NPAS3: variants seen among roughly 807,000 people sequenced by gnomAD.
NPAS3 encodes neuronal PAS domain-containing protein 3.
NPAS3 carries 14 observed loss-of-function variants against 73.1 expected under a neutral mutation model. The observed-to-expected ratio is 0.19, with a 90% CI of 0.13 to 0.30. The LOEUF (loss-of-function observed/expected upper bound fraction) is 0.30. NPAS3 is among the 10% of genes least tolerant of loss of function. The probability of loss-of-function intolerance (pLI) is 1.00; values close to 1 mark genes in which losing one functional copy is unlikely to be tolerated. For synonymous variants in NPAS3, 620 were observed against 541.5 expected (o/e 1.14, Z -2.01); for missense variants, 1,096 against 1,250.0 (o/e 0.88, Z 1.86).
At chr14:33,131,572 A>G (rs1300088959) in intron 2 of NPAS3, among the ~76,000 whole-genome samples, 1 of 152,178 alleles carries the variant, frequency 6.6e-6, no homozygotes, top group Non-Finnish European at 1.5e-5. Context: ...ATACATTTGT[A>G]GAGAGAAACA....
chr14:33,509,031 T>C (rs982264038), intron 4 of NPAS3, among the ~76,000 whole-genome samples: 1 of 150,632 alleles, frequency 6.6e-6, no homozygotes, highest in East Asian at 2.0e-4. Context: ...TTCTACTCAA[T>C]ATAACCTTTA....
At chr14:33,801,039 C>G in exon 12 of NPAS3, 1 of 1,592,972 alleles carries the variant, frequency 6.3e-7, no homozygotes, top group Non-Finnish European at 8.5e-7. Flanking sequence ...GGACTCTTCT[C>G]CACGCTGCCC....
At chr14:33,223,246 G>T (rs1231315154) in intron 3 of NPAS3, among the ~76,000 whole-genome samples, 1 of 152,150 alleles carries the variant, frequency 6.6e-6, no homozygotes, top group Non-Finnish European at 1.5e-5. Flanking sequence ...GGGAGGCAGG[G>T]GTTGCAATGA....
chr14:33,227,104 T>G (rs2047664227), intron 3 of NPAS3, among the ~76,000 whole-genome samples: 1 of 152,224 alleles, frequency 6.6e-6, no homozygotes, highest in South Asian at 2.1e-4. Context: ...GGGATGTTGA[T>G]GCAGGTAAGC....
chr14:33,571,498 C>T (rs377168932), intron 5 of NPAS3, among the ~76,000 whole-genome samples: 6 of 152,226 alleles, frequency 3.9e-5, no homozygotes, highest in African/African-American at 1.4e-4. Flanking sequence ...AAGGGCACAT[C>T]TAGCATATCT....
intron 3 of NPAS3, among the ~76,000 whole-genome samples, chr14:33,233,892 T>G (rs1047284927): frequency 6.6e-6 from 1 of 152,170 alleles, no homozygotes; most frequent in Non-Finnish European, 1.5e-5. Context: ...TATGTTGGTC[T>G]GCCTCCTTTG....
At chr14:33,182,144 A>G (rs565998431) in intron 2 of NPAS3, among the ~76,000 whole-genome samples, 1 of 152,380 alleles carries the variant, frequency 6.6e-6, no homozygotes, top group African/African-American at 2.4e-5. Flanking sequence ...TGAAAAATCA[A>G]TTGAATGAAT....
intron 4 of NPAS3, among the ~76,000 whole-genome samples, chr14:33,549,059 C>G (rs932294506): frequency 4.0e-5 from 6 of 150,374 alleles, no homozygotes; most frequent in Non-Finnish European, 7.4e-5. Flanking sequence ...CCAGGCATCT[C>G]AAAATATATA....
intron 4 of NPAS3, among the ~76,000 whole-genome samples, chr14:33,511,778 G>A (rs540169526): frequency 6.6e-6 from 1 of 152,206 alleles, no homozygotes; most frequent in Admixed American, 6.5e-5. Context: ...TCCTTGTATA[G>A]AAAGAATGAA....
At position 33,634,529 on chromosome 14, in the gene NPAS3, C is replaced by T. The variant is rs60001003; in HGVS notation, c.559-41682C>T. On this transcript the variant is annotated intron_variant, in intron 5 of 11. Coordinates refer to ENST00000356141, the Ensembl canonical transcript of NPAS3. ...CATAGTCCACGTATAAAAAAGAAGG[C>T]GGGCAGGGGGTGCCCAGATGTGGAC... Among the ~76,000 whole-genome samples the T allele has an allele frequency of 0.011, 1,743 of 152,180 alleles. 52 individuals are homozygous for T. The East Asian group carries it at 0.12, about 11-fold the overall frequency.
rs748131405 is a variant in NPAS3 at position 33,534,804 on chromosome 14, C to T, written c.469-25317C>T. Among the ~76,000 whole-genome samples, 38 of 152,074 alleles carry T rather than the reference C, an allele frequency of 2.5e-4. 1 individual carries two copies. Among genetic ancestry groups the T allele is most frequent in the Non-Finnish European group, 5.3e-4 (36 of 68,028 alleles). On this transcript the variant is annotated intron_variant, in intron 4 of 11. Transcript: ENST00000356141. ...ACTTTGGAATTTCCTGGAATGTCAG[C>T]TCTGTAACACACTCTAAGCAGTGAC... is the stretch of plus-strand genomic sequence containing the variant.
chr14:33,749,735 C>T (rs370160871), intron 7 of NPAS3, among the ~76,000 whole-genome samples: 1 of 152,254 alleles, frequency 6.6e-6, no homozygotes, highest in East Asian at 1.9e-4. Flanking sequence ...TTCTCATGCA[C>T]TCCGAGAACC....
At chr14:33,307,582 GTTT>G (rs916049323) in intron 3 of NPAS3, among the ~76,000 whole-genome samples, 1 of 40,690 alleles carries the variant, frequency 2.5e-5, no homozygotes, top group Non-Finnish European at 5.8e-5. Flanking sequence ...ACCTCACCAG[GTTT>G]TTTTTCAATG....
Position 33,486,306 on chromosome 14 carries a change from G to A in NPAS3, c.469-73815G>A, listed in dbSNP as rs75552434. ...GCTGTATAAATTGTTTCTTTCTCCC[G>A]GCGTCCTCATCTGTCTTGATTTTCC... On this transcript the variant is annotated intron_variant, in intron 4 of 11. Transcript: ENST00000356141. Among the ~76,000 whole-genome samples the A allele has an allele frequency of 9.4e-3, 1,425 of 152,020 alleles. 7 individuals are homozygous for A. The highest frequency in any genetic ancestry group is 0.015 in the Non-Finnish European group (991 of 67,970).
At chr14:32,948,328 C>A (rs889565056) in intron 1 of NPAS3, among the ~76,000 whole-genome samples, 1 of 152,014 alleles carries the variant, frequency 6.6e-6, no homozygotes, top group African/African-American at 2.4e-5. Context: ...TATATTGCAT[C>A]CTAATCTTAG....
At chr14:33,468,873 T>G (rs975850412) in intron 4 of NPAS3, among the ~76,000 whole-genome samples, 5 of 152,232 alleles carry the variant, frequency 3.3e-5, no homozygotes, top group African/African-American at 1.2e-4. Flanking sequence ...TTGTATTGAA[T>G]GCATTCTAGT....
At chr14:33,396,567 C>T (rs2047230928) in intron 4 of NPAS3, among the ~76,000 whole-genome samples, 1 of 152,064 alleles carries the variant, frequency 6.6e-6, no homozygotes, top group South Asian at 2.1e-4. Context: ...GAAAAATCCT[C>T]ACTATTCCTG....
chr14:33,690,090 C>A (rs934582017), intron 6 of NPAS3, among the ~76,000 whole-genome samples: 3 of 152,146 alleles, frequency 2.0e-5, no homozygotes, highest in African/African-American at 7.2e-5. Context: ...GGGTTATGTA[C>A]CCTGAAAGAC....
intron 5 of NPAS3, among the ~76,000 whole-genome samples, chr14:33,657,457 G>C (rs1442665170): frequency 6.6e-6 from 1 of 152,196 alleles, no homozygotes; most frequent in Non-Finnish European, 1.5e-5. Context: ...TGAGTATACA[G>C]TTAACTAAGT....
Sources: gnomAD v4.1 joint callset for allele counts (sites outside exome capture counted in the v4.1 genomes callset) on GRCh38, gnomAD v4.1.1 for gene constraint, MANE v1.5 for transcripts, NCBI Gene and HGNC (gene_info 2026-07-23, HGNC 2026-07-21) for gene names.